Variants in DUXA observed in about 807,000 individuals in gnomAD.
DUXA encodes double homeobox protein A.
In DUXA, 25 loss-of-function variants were observed where a neutral mutation model predicts 27.5. The observed-to-expected ratio is 0.91, with a 90% CI of 0.66 to 1.27. DUXA has a LOEUF of 1.27. Ranked by LOEUF, DUXA falls within the 50% of genes most tolerant of loss-of-function variation. DUXA has a pLI of 0.00. For missense variants in DUXA, 247 were observed against 242.9 expected (o/e 1.02, Z -0.11); for synonymous variants, 90 against 80.5 (o/e 1.12, Z -0.63).
At chr19:57,160,562 G>GGA in intron 2 of DUXA, 81 bp downstream of exon 2, 15 of 1,515,840 alleles carry the variant, frequency 9.9e-6, no homozygotes, top group Non-Finnish European at 1.3e-5. Flanking sequence ...TCAGCACATG[G>GGA]GTACATAGTA....
In DUXA at chr19:57,160,920, C is replaced by G. The variant is rs1463015390; in HGVS notation, c.26-123G>C. The G allele has an allele frequency of 6.3e-6, 7 of 1,103,508 alleles. No homozygotes were observed. In the African/African-American group the frequency reaches 9.4e-5, roughly 15 times the overall value. 68.4% of individuals were successfully genotyped at this position (1,103,508 alleles called of 1,614,324 possible). On this transcript the variant is annotated intron_variant, in intron 1 of 5. Transcript: ENST00000554048. Reference sequence around the variant, plus strand: ...ACTGGAATCCACTCCAGGAGAACTACCCTCATACAAGTATGGAGCTCTTGA... The same window carrying G: ...ACTGGAATCCACTCCAGGAGAACTAGCCTCATACAAGTATGGAGCTCTTGA...
Position 57,165,322 on chromosome 19 carries a change from A to ATAT in DUXA, c.25+2096_25+2097insATA, listed in dbSNP as rs1484903570. On this transcript the variant is annotated intron_variant, in intron 1 of 5. Coordinates refer to ENST00000554048, the MANE Select transcript of DUXA (RefSeq NM_001012729.2). ...TTTCTGGAGTAGGAAAAAAAAAAAA[A>ATAT]AAATATATATATATATATATATGTA... Among the ~76,000 whole-genome samples the ATAT allele has an allele frequency of 6.6e-3, 591 of 88,986 alleles. 3 individuals are homozygous for ATAT. Among genetic ancestry groups the ATAT allele is most frequent in the African/African-American group, 0.013 (321 of 25,006 alleles). 58.4% of individuals were successfully genotyped at this position (88,986 alleles called of 152,430 possible).
intron 3 of DUXA, 72 bp downstream of exon 3, chr19:57,159,094 CT>C: frequency 1.5e-6 from 2 of 1,343,008 alleles, no homozygotes; most frequent in South Asian, 2.6e-5. Context: ...AGGAGACATT[CT>C]TTTTTCAAAG....
At chr19:57,156,524 C>T (rs1286179407) in intron 4 of DUXA, among the ~76,000 whole-genome samples, 1 of 152,160 alleles carries the variant, frequency 6.6e-6, no homozygotes, top group Non-Finnish European at 1.5e-5. Flanking sequence ...GCCTCAGCCT[C>T]TCGCGTAACT....
At chr19:57,163,833 T>G (rs2087037073) in intron 1 of DUXA, among the ~76,000 whole-genome samples, 2 of 152,240 alleles carry the variant, frequency 1.3e-5, no homozygotes, top group African/African-American at 2.4e-5. Context: ...GTCTTACATT[T>G]TTTTCAAGTT....
intron 5 of DUXA, 81 bp downstream of exon 5, chr19:57,155,186 G>A: frequency 1.5e-6 from 2 of 1,291,594 alleles, no homozygotes; most frequent in South Asian, 1.2e-5. Flanking sequence ...CCCAGGAGGA[G>A]CTGTCGGCTC....
rs549740778 is a variant in DUXA, at chr19:57,161,474, T to C, written c.26-677A>G. On this transcript the variant is annotated intron_variant, in intron 1 of 5. Coordinates refer to ENST00000554048, the MANE Select transcript of DUXA (RefSeq NM_001012729.2). ...CCGTCTCTACTAAAAATACAAAAAA[T>C]TAGCCGGGCGCAGTGGCGGGCACCT... 6.2e-3 allele frequency among the ~76,000 whole-genome samples: 922 copies of C among 147,910 alleles called. 36 individuals carry two copies. The highest frequency in any genetic ancestry group is 0.022 in the African/African-American group (827 of 38,300).
In DUXA at chr19:57,154,118, A is replaced by G. The variant is rs189084189; in HGVS notation, c.*294T>C. ...AACAGGGTAGTGTGGTACCCCCTGT[A>G]CCCGTCTCTGCCTCCTACAGTCCTT... On this transcript the variant is annotated 3_prime_UTR_variant, in exon 6 of 6. Coordinates refer to ENST00000554048, the MANE Select transcript of DUXA (RefSeq NM_001012729.2). 2.9e-4 allele frequency: 88 copies of G among 301,764 alleles called. No homozygotes were observed. The highest frequency in any genetic ancestry group is 1.7e-3 in the African/African-American group (76 of 45,684). The allele number at this position is 301,764 out of a possible 1,614,324, so 18.7% of individuals were successfully genotyped here. A position where few individuals can be genotyped will look rare whatever the true frequency, so the allele number is the denominator to read the frequency against.
chr19:57,156,294 A>G (rs1428185720), intron 4 of DUXA, among the ~76,000 whole-genome samples: 3 of 152,166 alleles, frequency 2.0e-5, no homozygotes, highest in Non-Finnish European at 4.4e-5. Context: ...TTGTGCCCAT[A>G]GATTATACAC....
At chr19:57,159,123 G>T (rs184414480) in intron 3 of DUXA, 44 bp downstream of exon 3, 3 of 1,555,390 alleles carry the variant, frequency 1.9e-6, no homozygotes, top group South Asian at 1.2e-5. Context: ...TGGCTCCGCC[G>T]TAGAGAAGCT....
At chr19:57,161,416 G>A (rs902699805) in intron 1 of DUXA, among the ~76,000 whole-genome samples, 5 of 148,382 alleles carry the variant, frequency 3.4e-5, no homozygotes, top group Non-Finnish European at 5.9e-5. Flanking sequence ...AAGGTCAGGA[G>A]ATCGAGACCA....
At chr19:57,156,671 CTT>C (rs1426557742) in intron 4 of DUXA, among the ~76,000 whole-genome samples, 1 of 152,092 alleles carries the variant, frequency 6.6e-6, no homozygotes, top group Non-Finnish European at 1.5e-5. Flanking sequence ...GGCCACAACT[CTT>C]TTTATTTTGA....
At chr19:57,162,225 T>C (rs997929444) in intron 1 of DUXA, among the ~76,000 whole-genome samples, 1 of 152,202 alleles carries the variant, frequency 6.6e-6, no homozygotes, top group South Asian at 2.1e-4. Context: ...CATTGCTCAA[T>C]AGCAATAACA....
At position 57,164,313 on chromosome 19, in the gene DUXA, C is replaced by T. The variant is rs557627172; in HGVS notation, c.25+3106G>A. Among the ~76,000 whole-genome samples the T allele has an allele frequency of 1.7e-4, 26 of 152,324 alleles. No homozygotes were observed. In the South Asian group the frequency reaches 3.7e-3, roughly 22 times the overall value. On this transcript the variant is annotated intron_variant, in intron 1 of 5. Transcript: ENST00000554048. ...ATCATTGGCCGGGCACAGTGGCTCA[C>T]GCCTATAATCCCAGCACTTTGGGAG...
intron 2 of DUXA, among the ~76,000 whole-genome samples, chr19:57,160,421 G>A (rs780095947): frequency 6.6e-6 from 1 of 152,214 alleles, no homozygotes; most frequent in Non-Finnish European, 1.5e-5. Context: ...TTCTCTGAAG[G>A]TACGCCTACA....
At chr19:57,165,734 G>A (rs1420525548) in intron 1 of DUXA, among the ~76,000 whole-genome samples, 4 of 150,486 alleles carry the variant, frequency 2.7e-5, no homozygotes, top group South Asian at 2.1e-4. Context: ...GAACCCGGGA[G>A]GCAGAGCTTG....
intron 5 of DUXA, 64 bp from the exon 6 acceptor site, chr19:57,154,546 G>T: frequency 7.6e-7 from 1 of 1,312,552 alleles, no homozygotes; most frequent in Non-Finnish European, 1.1e-6. Flanking sequence ...AAACATGGAC[G>T]TCAGCCTTTT....
chr19:57,161,795 C>T (rs1335143780), intron 1 of DUXA, among the ~76,000 whole-genome samples: 2 of 151,860 alleles, frequency 1.3e-5, no homozygotes, highest in South Asian at 2.1e-4. Flanking sequence ...ACCATAGAAA[C>T]GAAGAGTTTG....
At chr19:57,157,238 G>A (rs2086997258) in intron 4 of DUXA, among the ~76,000 whole-genome samples, 2 of 152,208 alleles carry the variant, frequency 1.3e-5, no homozygotes, top group South Asian at 4.1e-4. Flanking sequence ...ACAGCAGTCT[G>A]ACAATTTTAT....
Sources: gnomAD v4.1 joint callset for allele counts (sites outside exome capture counted in the v4.1 genomes callset) on GRCh38, gnomAD v4.1.1 for gene constraint, MANE v1.5 for transcripts, NCBI Gene and HGNC (gene_info 2026-07-23, HGNC 2026-07-21) for gene names.